Variants in RP1 observed in about 807,000 individuals in gnomAD.
RP1 encodes oxygen-regulated protein 1.
A neutral mutation model predicts 14.8 loss-of-function variants in RP1; 16 were observed. The observed-to-expected ratio is 1.08, with a 90% CI of 0.73 to 1.65. The LOEUF (loss-of-function observed/expected upper bound fraction) is 1.65, where lower values mean the gene tolerates loss of function less well. RP1 is among the 40% of genes most tolerant of loss of function. RP1 has a pLI of 0.00. For synonymous variants in RP1, 876 were observed against 883.6 expected (o/e 0.99, Z 0.15); for missense variants, 2,631 against 2,535.0 (o/e 1.04, Z -0.81).
At chr8:54,633,715 C>G (rs1237492913), downstream of RP1, among the ~76,000 whole-genome samples, 1 of 99,066 alleles carries the variant, frequency 1.0e-5, no homozygotes, top group Non-Finnish European at 2.3e-5. Flanking sequence ...TTGTGCCTCT[C>G]TCTCTCTCTC....
chr8:54,583,559 A>T (rs1173457356), intron 1 of RP1, among the ~76,000 whole-genome samples: 2 of 152,220 alleles, frequency 1.3e-5, no homozygotes, highest in Non-Finnish European at 2.9e-5. Flanking sequence ...TGATTGGAAT[A>T]GTTTCAGAAG....
At chr8:54,731,787 G>A (rs919331664) in intron 17 of RP1, among the ~76,000 whole-genome samples, 1 of 151,926 alleles carries the variant, frequency 6.6e-6, no homozygotes, top group African/African-American at 2.4e-5. Flanking sequence ...CACGGACATG[G>A]AAAAAAAATT....
chr8:54,769,096 G>A lies in RP1; in HGVS notation c.3249-645G>A, dbSNP rs182035739. 2.4e-3 allele frequency among the ~76,000 whole-genome samples: 358 copies of A among 151,796 alleles called. 2 individuals are homozygous for A. The highest frequency in any genetic ancestry group is 8.2e-3 in the African/African-American group (338 of 41,416). On this transcript the variant is annotated intron_variant, in intron 22 of 22. Coordinates refer to the RP1 transcript ENST00000636932. ...TTTTTAGTAGAGATGGGCTTTCACC[G>A]TGTTAGCCAGGATGGTCTCGATCTC...
At chr8:54,729,402 C>T (rs1354256590) in intron 17 of RP1, among the ~76,000 whole-genome samples, 2 of 151,888 alleles carry the variant, frequency 1.3e-5, no homozygotes, top group Non-Finnish European at 2.9e-5. Context: ...GTTTAGGTGC[C>T]AATACTTTAA....
intron 15 of RP1, among the ~76,000 whole-genome samples, chr8:54,716,461 T>A (rs1452824939): frequency 6.6e-6 from 1 of 152,168 alleles, no homozygotes; most frequent in East Asian, 1.9e-4. Flanking sequence ...ATTCTTGAGG[T>A]CCACACTGGT....
chr8:54,621,107 A>T lies in RP1; in HGVS notation c.141A>T (p.Gln47His), dbSNP rs372249141. The T allele has an allele frequency of 6.2e-7, 1 of 1,614,084 alleles. No individual in the cohort carries two copies. The highest frequency in any genetic ancestry group is 2.2e-5 in the East Asian group (1 of 44,866). ...RISFYKSGDP[Q>H]FGGVRVVVNP... ...GTTTCTACAAGAGCGGAGACCCCCA[A>T]TTCGGCGGGGTCAGGGTGGTGGTCA... Residue 47 changes from glutamine to histidine, a missense_variant, in exon 2 of 4, where the codon CAA becomes CAT. Coordinates refer to ENST00000220676, the MANE Select transcript of RP1 (RefSeq NM_006269.2).
chr8:54,673,304 T>G (rs975600584), intron 7 of RP1, among the ~76,000 whole-genome samples: 7 of 152,236 alleles, frequency 4.6e-5, no homozygotes, highest in Admixed American at 3.3e-4. Flanking sequence ...ACATCATGTA[T>G]TTTTCTTGGA....
chr8:54,761,169 C>G (rs1488832551), intron 22 of RP1, among the ~76,000 whole-genome samples: 2 of 151,582 alleles, frequency 1.3e-5, no homozygotes, highest in Non-Finnish European at 2.9e-5. Flanking sequence ...GATGCAGTCA[C>G]TGCCACTGTC....
At chr8:54,665,656 T>G (rs935199574) in intron 7 of RP1, among the ~76,000 whole-genome samples, 1 of 152,152 alleles carries the variant, frequency 6.6e-6, no homozygotes, top group African/African-American at 2.4e-5. Flanking sequence ...CATTGCTGTT[T>G]GTTGCTCCCA....
chr8:54,559,246 C>T (rs1804228881), exon 1 of RP1: 1 of 152,176 alleles, frequency 6.6e-6, no homozygotes, highest in South Asian at 2.1e-4. Context: ...TCCGACTCTT[C>T]CACGCTCCAG....
intron 1 of RP1, among the ~76,000 whole-genome samples, chr8:54,583,361 T>G (rs1444035074): frequency 6.6e-6 from 1 of 152,204 alleles, no homozygotes; most frequent in Non-Finnish European, 1.5e-5. Context: ...CACTTGATTG[T>G]GGTGGATAAG....
chr8:54,563,840 C>T (rs1255771682), intron 1 of RP1, among the ~76,000 whole-genome samples: 3 of 152,158 alleles, frequency 2.0e-5, no homozygotes, highest in African/African-American at 7.2e-5. Context: ...TGAGCCACCA[C>T]GCCCGGCCTA....
chr8:54,837,439 T>C, intron 24 of RP1: 1 of 1,181,008 alleles, frequency 8.5e-7, no homozygotes, highest in Non-Finnish European at 1.1e-6. Flanking sequence ...CTTTTATCCT[T>C]TGTGTTGCAG....
rs544880005 is a variant in RP1, at chr8:54,739,404, G to A, written c.2808+375G>A. Among the ~76,000 whole-genome samples, 10 of 152,216 alleles carry A rather than the reference G, an allele frequency of 6.6e-5. No homozygotes were observed. In the South Asian group the frequency reaches 1.7e-3, roughly 25 times the overall value. ...TCAAGAAATTGTAAGTTGAACTGTGGTAAGTTGAGGACCATCCGTATTGTA... is the reference window on the plus strand; with the variant it reads ...TCAAGAAATTGTAAGTTGAACTGTGATAAGTTGAGGACCATCCGTATTGTA... On this transcript the variant is annotated intron_variant, in intron 19 of 22. Transcript: ENST00000636932.
chr8:54,628,300 A>T lies in RP1; in HGVS notation c.4418A>T (p.Asn1473Ile), dbSNP rs1344203888. Residue 1473 changes from asparagine to isoleucine, a missense_variant, in exon 4 of 4, where the codon AAC (asparagine) becomes ATC (isoleucine). Coordinates refer to ENST00000220676, the MANE Select transcript of RP1 (RefSeq NM_006269.2). ...SELESFEELENHDTDIFNTVV... is the reference protein window; with the variant it reads ...SELESFEELEIHDTDIFNTVV... ...TTGGAATCTTTTGAAGAATTAGAAA[A>T]CCATGACACTGATATCTTTAATACA... 6.2e-7 allele frequency: 1 copy of T among 1,613,920 alleles called. No homozygotes were observed. Among genetic ancestry groups the T allele is most frequent in the Admixed American group, 1.7e-5 (1 of 60,026 alleles).
At chr8:54,764,265 C>A (rs975604890) in intron 22 of RP1, among the ~76,000 whole-genome samples, 1 of 152,256 alleles carries the variant, frequency 6.6e-6, no homozygotes, top group Non-Finnish European at 1.5e-5. Context: ...ACACAGCAGG[C>A]CTACAGCTCA....
rs757765924 is a variant in RP1, at chr8:54,624,795, A to G, written c.913A>G (p.Asn305Asp). 6.2e-7 allele frequency: 1 copy of G among 1,614,056 alleles called. No homozygotes were observed. Among genetic ancestry groups the G allele is most frequent in the Non-Finnish European group, 8.5e-7 (1 of 1,179,968 alleles). The change falls in exon 4 of 4, where the codon AAT becomes GAT. Residue 305 changes from asparagine (N) to aspartate (D), a missense_variant. Transcript: ENST00000220676. Reference sequence around the variant, plus strand: ...TGAAAAGTACTTGGCCTTAGAAAAGAATGATTCTCAGAATTTACCAATATA... The same window carrying G: ...TGAAAAGTACTTGGCCTTAGAAAAGGATGATTCTCAGAATTTACCAATATA... ...VPEKYLALEK[N>D]DSQNLPIYPS...
intron 3 of RP1, among the ~76,000 whole-genome samples, chr8:54,637,666 C>A (rs1407021672): frequency 6.6e-6 from 1 of 151,692 alleles, no homozygotes; most frequent in Non-Finnish European, 1.5e-5. Context: ...CACCTTCAGC[C>A]TCCCACTTCA....
chr8:54,631,474 C>T (rs1389814644), downstream of RP1, among the ~76,000 whole-genome samples: 3 of 151,612 alleles, frequency 2.0e-5, no homozygotes, highest in Non-Finnish European at 4.4e-5. Flanking sequence ...GGTACACCTG[C>T]AGGCTTTTTG....
Sources: gnomAD v4.1 joint callset for allele counts (sites outside exome capture counted in the v4.1 genomes callset) on GRCh38, gnomAD v4.1.1 for gene constraint, MANE v1.5 for transcripts, NCBI Gene and HGNC (gene_info 2026-07-23, HGNC 2026-07-21) for gene names.